ZAN: variants seen among roughly 807,000 people sequenced by gnomAD.
ZAN encodes zonadhesin (gene/pseudogene).
Under a neutral mutation model 286.2 loss-of-function variants are expected in ZAN, and 260 were observed. That is an observed-to-expected ratio of 0.91 (90% confidence interval 0.82 to 1.01). ZAN has a LOEUF of 1.01. ZAN is among the 50% of genes least tolerant of loss of function. The pLI is 0.00. For missense variants in ZAN, 3,410 were observed against 3,639.2 expected, an observed-to-expected ratio of 0.94 and a Z score of 1.62; for synonymous variants, 1,368 against 1,417.5, an observed-to-expected ratio of 0.97 and a Z score of 0.79.
chr7:100,767,271 T>C lies in ZAN; in HGVS notation c.4860+14T>C. The stretch of plus-strand genomic sequence containing the variant: ...TGTAAGGTCATGGTGGGTGTCTTCC[T>C]CCTGCCTCCTGGACCCTGAACACCC... On this transcript the variant is annotated intron_variant, in intron 25 of 47. Coordinates refer to ENST00000613979, the MANE Select transcript of ZAN (RefSeq NM_003386.3). 1 of 1,599,194 alleles carries C rather than the reference T, an allele frequency of 6.3e-7. No individual in the cohort carries two copies. Among genetic ancestry groups the C allele is most frequent in the Non-Finnish European group, 8.5e-7 (1 of 1,176,018 alleles).
intron 40 of ZAN, among the ~76,000 whole-genome samples, 162 bp from the exon 41 acceptor site, chr7:100,791,804 T>G (rs1248770882): frequency 6.6e-6 from 1 of 152,164 alleles, no homozygotes; most frequent in East Asian, 1.9e-4. Flanking sequence ...CTTGGCTCAC[T>G]GCAGTTTCCA....
intron 42 of ZAN, among the ~76,000 whole-genome samples, chr7:100,793,469 G>T (rs190485749): frequency 2.2e-4 from 33 of 152,140 alleles, no homozygotes; most frequent in African/African-American, 7.9e-4. Context: ...GACAGAGTTC[G>T]CTTTTTGTTG....
chr7:100,765,330 C>T (rs750022022), intron 22 of ZAN, 22 bp from the exon 23 acceptor site: 4 of 1,612,022 alleles, frequency 2.5e-6, no homozygotes, highest in South Asian at 1.1e-5. Context: ...CTCCTTCTCA[C>T]CCAAGCTTCT....
chr7:100,746,870 G>T (rs1219863852), intron 8 of ZAN, among the ~76,000 whole-genome samples, 168 bp downstream of exon 8: 2 of 152,110 alleles, frequency 1.3e-5, no homozygotes, highest in African/African-American at 4.8e-5. Context: ...GGGAGGCCGA[G>T]GCAGGCGGAT....
chr7:100,767,773 T>C, intron 25 of ZAN, 58 bp from the exon 26 acceptor site: 1 of 1,559,170 alleles, frequency 6.4e-7, no homozygotes, highest in Non-Finnish European at 8.7e-7. Context: ...CCCCCGTCCT[T>C]GCCTTTATCC....
intron 42 of ZAN, among the ~76,000 whole-genome samples, chr7:100,793,218 A>G (rs964563546): frequency 2.7e-5 from 4 of 150,452 alleles, no homozygotes; most frequent in Non-Finnish European, 5.9e-5. Flanking sequence ...GCATGCCTGT[A>G]ACTCCAGTCA....
chr7:100,794,111 C>T lies in ZAN; in HGVS notation c.7987-9C>T, dbSNP rs761728764. On this transcript the variant is annotated splice_polypyrimidine_tract_variant and intron_variant, in intron 43 of 47. Transcript: ENST00000613979. The stretch of plus-strand genomic sequence containing the variant: ...TGGAACGTCTCCTCCTGGCCCTTCC[C>T]CTTTCTAGCTGGGCAGCAGCTTTCT... 1 of 1,613,980 alleles carries T rather than the reference C, an allele frequency of 6.2e-7. No homozygotes were observed.
At position 100,769,943 on chromosome 7, in the gene ZAN, C is replaced by A; in HGVS notation, c.5217C>A (p.Asn1739Lys). 3 of 1,567,604 alleles carry A rather than the reference C, an allele frequency of 1.9e-6. No individual in the cohort carries two copies. The highest frequency in any genetic ancestry group is 1.7e-6 in the Non-Finnish European group (2 of 1,155,668). The change falls in exon 28 of 48, where the codon AAC (asparagine) becomes AAA (lysine). Residue 1739 changes from asparagine to lysine, a missense_variant. By Grantham distance (94) the Asn-to-Lys change is moderately conservative. Around this residue, in one of 7 missense-constraint regions of ZAN, gnomAD observed 1,042 missense variants for 1,058.0 expected, o/e 0.98. Coordinates refer to ENST00000613979, the MANE Select transcript of ZAN (RefSeq NM_003386.3). ...AGAACAGCATGGCAGACGCCTGGAA[C>A]AAGAACTGTGCGATCTTAATAAACC... The part of the protein sequence containing the change: ...CQENSMADAW[N>K]KNCAILINPQ...
chr7:100,733,980 C>T (rs1807125260), intron 1 of ZAN, 47 bp from the exon 2 acceptor site: 1 of 423,348 alleles, frequency 2.4e-6, no homozygotes. Context: ...ATCTACGATG[C>T]TTCTACTGGA....
Position 100,779,444 on chromosome 7 carries a change from A to G in ZAN, c.6318-2A>G. 6.3e-7 allele frequency: 1 copy of G among 1,599,658 alleles called. No homozygotes were observed. Among genetic ancestry groups the G allele is most frequent in the Non-Finnish European group, 8.5e-7 (1 of 1,171,692 alleles). On this transcript the variant is annotated splice_acceptor_variant, in intron 34 of 47. Transcript: ENST00000613979. LOFTEE classifies it high-confidence loss of function. ...CCTAGGCTGATTCTTTTCCCTTCCC[A>G]GTTGTCAGAGTCTCCTGGTAGATGA... is the stretch of plus-strand genomic sequence containing the variant.
chr7:100,767,875 C>T lies in ZAN; in HGVS notation c.4905C>T (p.Gly1635=), dbSNP rs773177095. 53 of 1,613,852 alleles carry T rather than the reference C, an allele frequency of 3.3e-5. No individual in the cohort carries two copies. Among genetic ancestry groups the T allele is most frequent in the African/African-American group, 5.3e-5 (4 of 74,928 alleles). The change falls in exon 26 of 48, where the codon GGC becomes GGT. Residue 1635 remains glycine (G), a synonymous_variant. Coordinates refer to ENST00000613979, the MANE Select transcript of ZAN (RefSeq NM_003386.3). ...CCCTACCTGTGTGGCTTGCACAAGG[C>T]CGGGTGACCATAAGGCTCAGCAGCA... is the stretch of plus-strand genomic sequence containing the variant. ...RVALPVWLAQ[G]RVTIRLSSNL...
At chr7:100,794,303 G>T in intron 44 of ZAN, 45 bp downstream of exon 44, 1 of 1,548,426 alleles carries the variant, frequency 6.5e-7, no homozygotes, top group Non-Finnish European at 8.7e-7. Flanking sequence ...CCATGCCCTG[G>T]GGCGTCCATG....
chr7:100,736,166 A>G (rs1305422662), intron 3 of ZAN, among the ~76,000 whole-genome samples: 5 of 141,832 alleles, frequency 3.5e-5, no homozygotes, highest in African/African-American at 1.3e-4. Context: ...AAAACAGACG[A>G]GCAATTTCTG....
intron 45 of ZAN, 27 bp downstream of exon 45, chr7:100,795,363 C>T (rs1336838100): frequency 1.3e-6 from 2 of 1,497,518 alleles, no homozygotes; most frequent in Non-Finnish European, 8.9e-7. Context: ...AGGCCCTGTA[C>T]CCTCACAACC....
At chr7:100,736,256 T>G (rs1200296135) in intron 3 of ZAN, among the ~76,000 whole-genome samples, 2 of 142,330 alleles carry the variant, frequency 1.4e-5, no homozygotes, top group African/African-American at 2.6e-5. Context: ...CAGGCTGGAG[T>G]GCAGTGGCGC....
intron 22 of ZAN, among the ~76,000 whole-genome samples, chr7:100,764,410 G>A (rs976458126): frequency 1.6e-4 from 24 of 152,214 alleles, no homozygotes; most frequent in Non-Finnish European, 2.6e-4. Flanking sequence ...CAGGAGAATC[G>A]CTTGAACCCG....
chr7:100,746,867 C>T (rs752708421), intron 8 of ZAN, among the ~76,000 whole-genome samples, 165 bp downstream of exon 8: 2 of 151,978 alleles, frequency 1.3e-5, no homozygotes, highest in Non-Finnish European at 2.9e-5. Flanking sequence ...TTTGGGAGGC[C>T]GAGGCAGGCG....
rs538315578 is a variant in ZAN at position 100,787,995 on chromosome 7, C to T, written c.7086C>T (p.Asp2362=). Residue 2362 remains aspartate (D), a synonymous_variant, in exon 38 of 48, where the codon GAC becomes GAT. Transcript: ENST00000613979. ...CCTATGTTCTGATCAAGACTGTGGACGTACTGCCTGAGGGGGTGGAGCCCC... is the reference window on the plus strand; with the variant it reads ...CCTATGTTCTGATCAAGACTGTGGATGTACTGCCTGAGGGGGTGGAGCCCC... ...RMTYVLIKTV[D]VLPEGVEPLL... is the part of the protein sequence containing the mutation. The T allele has an allele frequency of 5.3e-5, 83 of 1,564,318 alleles. 1 individual carries two copies. The highest frequency in any genetic ancestry group is 6.7e-5 in the Non-Finnish European group (77 of 1,145,284).
At chr7:100,748,786 T>A (rs1191152586) in intron 11 of ZAN, among the ~76,000 whole-genome samples, 1 of 152,072 alleles carries the variant, frequency 6.6e-6, no homozygotes, top group African/African-American at 2.4e-5. Context: ...TCCAGCACTT[T>A]GAGAGGCCGA....
Sources: gnomAD v4.1 joint callset for allele counts (sites outside exome capture counted in the v4.1 genomes callset) on GRCh38, gnomAD v4.1.1 for gene constraint, gnomAD v4.1.1 regional missense constraint, MANE v1.5 for transcripts, NCBI Gene and HGNC (gene_info 2026-07-23, HGNC 2026-07-21) for gene names.